The following ANKRD45 variants were observed in gnomAD, a reference collection of about 807,000 sequenced individuals.
ANKRD45 encodes the protein ankyrin repeat domain-containing protein 45.
ANKRD45 carries 21 observed loss-of-function variants against 28.1 expected under a neutral mutation model. That is an observed-to-expected ratio of 0.75 (90% CI 0.53 to 1.08). The LOEUF (loss-of-function observed/expected upper bound fraction) is 1.08, where lower values mean the gene tolerates loss of function less well. ANKRD45 is among the 50% of genes least tolerant of loss of function. The probability of loss-of-function intolerance (pLI) is 0.00; values close to 1 mark genes in which losing one functional copy is unlikely to be tolerated. For missense variants in ANKRD45, 261 were observed against 308.7 expected, an observed-to-expected ratio of 0.85 and a Z score of 1.16; for synonymous variants, 86 against 103.9, an observed-to-expected ratio of 0.83 and a Z score of 1.05.
intron 5 of ANKRD45, among the ~76,000 whole-genome samples, chr1:173,615,921 G>A (rs888382787): frequency 5.9e-5 from 9 of 152,056 alleles, no homozygotes; most frequent in African/African-American, 2.2e-4. Context: ...GGCTAACATG[G>A]TGAAACCCCG....
chr1:173,700,332 A>G, the ANKRD45 span, among the ~76,000 whole-genome samples: 1 of 152,218 alleles, frequency 6.6e-6, no homozygotes, highest in Non-Finnish European at 1.5e-5. Flanking sequence ...TTTAAAGTTC[A>G]TATGGAATCA....
intron 3 of ANKRD45, among the ~76,000 whole-genome samples, chr1:173,641,344 C>T (rs954194741): frequency 1.8e-4 from 27 of 152,172 alleles, no homozygotes; most frequent in African/African-American, 6.0e-4. Flanking sequence ...TGGTGGCTCT[C>T]TTCCAGAATC....
chr1:173,627,456 C>A (rs992294773), intron 3 of ANKRD45, among the ~76,000 whole-genome samples: 3 of 152,208 alleles, frequency 2.0e-5, no homozygotes, highest in Non-Finnish European at 4.4e-5. Context: ...GACAGAGAAT[C>A]TATATGCTTG....
chr1:173,711,322 C>A, the ANKRD45 span, among the ~76,000 whole-genome samples: 1 of 152,170 alleles, frequency 6.6e-6, no homozygotes, highest in African/African-American at 2.4e-5. Context: ...GGTGATCAGA[C>A]CACAGTTTGG....
chr1:173,675,020 G>A, the ANKRD45 span, among the ~76,000 whole-genome samples: 1 of 152,082 alleles, frequency 6.6e-6, no homozygotes, highest in African/African-American at 2.4e-5. Flanking sequence ...TATGTCCTAT[G>A]AAGAGAAAAT....
At chr1:173,695,563 G>A in the ANKRD45 span, among the ~76,000 whole-genome samples, 12 of 152,278 alleles carry the variant, frequency 7.9e-5, no homozygotes, top group South Asian at 1.7e-3. Context: ...ATAGTATTCC[G>A]TGGTGTATAT....
chr1:173,698,878 A>C, the ANKRD45 span, among the ~76,000 whole-genome samples: 1 of 152,150 alleles, frequency 6.6e-6, no homozygotes, highest in African/African-American at 2.4e-5. Context: ...CAATGAATCC[A>C]GGAGCTGTTT....
At chr1:173,658,501 T>A (rs1385335356) in intron 2 of ANKRD45, 1 of 152,232 alleles carries the variant, frequency 6.6e-6, no homozygotes, top group Non-Finnish European at 1.5e-5. Flanking sequence ...ATGATCAATA[T>A]TTTTTAAATG....
chr1:173,651,782 T>C (rs572307526), intron 2 of ANKRD45, among the ~76,000 whole-genome samples: 3 of 152,322 alleles, frequency 2.0e-5, no homozygotes, highest in South Asian at 4.1e-4. Context: ...GAGCAGTGGT[T>C]TGTAGTTCTC....
At chr1:173,640,328 A>G (rs1026373449) in intron 3 of ANKRD45, among the ~76,000 whole-genome samples, 1 of 151,902 alleles carries the variant, frequency 6.6e-6, no homozygotes, top group Non-Finnish European at 1.5e-5. Context: ...CCACCTTCTC[A>G]TCAAAGGGTG....
chr1:173,641,694 A>G (rs1467510674), intron 3 of ANKRD45, among the ~76,000 whole-genome samples: 1 of 152,166 alleles, frequency 6.6e-6, no homozygotes, highest in Non-Finnish European at 1.5e-5. Context: ...CTGCGAAAGT[A>G]AAAACAAGAC....
At chr1:173,628,185 G>A (rs889208848) in intron 3 of ANKRD45, among the ~76,000 whole-genome samples, 1 of 151,176 alleles carries the variant, frequency 6.6e-6, no homozygotes, top group African/African-American at 2.4e-5. Context: ...GGCTTCAGGG[G>A]TGACCCAGAA....
At chr1:173,631,893 A>G (rs1668211915) in intron 3 of ANKRD45, among the ~76,000 whole-genome samples, 1 of 152,062 alleles carries the variant, frequency 6.6e-6, no homozygotes, top group Non-Finnish European at 1.5e-5. Flanking sequence ...AAAAAATACA[A>G]AAACTTCAAA....
At chr1:173,703,481 C>A in the ANKRD45 span, among the ~76,000 whole-genome samples, 1 of 152,166 alleles carries the variant, frequency 6.6e-6, no homozygotes, top group Non-Finnish European at 1.5e-5. Context: ...GCTGGGCTTA[C>A]AGGTGTCAAT....
Position 173,624,875 on chromosome 1 carries a change from A to G in ANKRD45, c.642T>C (p.His214=). The G allele has an allele frequency of 7.4e-6, 12 of 1,613,850 alleles. No individual in the cohort carries two copies. The highest frequency in any genetic ancestry group is 1.3e-5 in the African/African-American group (1 of 75,042). The change falls in exon 5 of 6, where the codon CAT becomes CAC. Residue 214 remains histidine (H), a synonymous_variant. Coordinates refer to ENST00000333279, the MANE Select transcript of ANKRD45 (RefSeq NM_198493.3). ...AAAGCTCATTAATGGAAGCTTCTGTATGGGTTTCCAACCACTCATTTTTTG... is the reference window on the plus strand; with the variant it reads ...AAAGCTCATTAATGGAAGCTTCTGTGTGGGTTTCCAACCACTCATTTTTTG... ...CRAKNEWLET[H]TEASINELFE...
the ANKRD45 span, among the ~76,000 whole-genome samples, chr1:173,699,372 A>C: frequency 6.6e-6 from 1 of 152,240 alleles, no homozygotes; most frequent in Non-Finnish European, 1.5e-5. Context: ...ACAACAAAAA[A>C]AGAGAATTTT....
At chr1:173,679,663 A>T in the ANKRD45 span, among the ~76,000 whole-genome samples, 1 of 152,220 alleles carries the variant, frequency 6.6e-6, no homozygotes, top group Non-Finnish European at 1.5e-5. Flanking sequence ...AAACACCAAA[A>T]GCAATGGCAA....
chr1:173,688,375 C>CCT, the ANKRD45 span, among the ~76,000 whole-genome samples: 2 of 138,188 alleles, frequency 1.4e-5, no homozygotes, highest in African/African-American at 5.8e-5. Context: ...TCTGCCTCTT[C>CCT]CTCTCTCTCT....
chr1:173,699,366 C>CA, the ANKRD45 span, among the ~76,000 whole-genome samples: 1 of 151,902 alleles, frequency 6.6e-6, no homozygotes, highest in African/African-American at 2.4e-5. Flanking sequence ...AGAGATACAA[C>CA]AAAAAAAGAG....
Sources: gnomAD v4.1 joint callset for allele counts (sites outside exome capture counted in the v4.1 genomes callset) on GRCh38, gnomAD v4.1.1 for gene constraint, MANE v1.5 for transcripts, NCBI Gene and HGNC (gene_info 2026-07-23, HGNC 2026-07-21) for gene names.